The following NTNG1 variants were observed in gnomAD, a reference collection of about 807,000 sequenced individuals.
The protein encoded by NTNG1 is netrin G1, also known as netrin-G1.
In NTNG1, 16 loss-of-function variants were observed where a neutral mutation model predicts 54.0. The observed-to-expected ratio is 0.30, with a 90% CI of 0.20 to 0.45. The LOEUF (loss-of-function observed/expected upper bound fraction) is 0.45. Ranked by LOEUF, NTNG1 falls within the 20% of genes least tolerant of loss-of-function variation. NTNG1 has a pLI of 1.00. For synonymous variants in NTNG1, 255 were observed against 263.1 expected, an observed-to-expected ratio of 0.97 and a Z score of 0.30; for missense variants, 530 against 678.7, an observed-to-expected ratio of 0.78 and a Z score of 2.43.
chr1:107,296,422 G>A (rs1032637104), intron 2 of NTNG1, among the ~76,000 whole-genome samples: 2 of 151,780 alleles, frequency 1.3e-5, no homozygotes, highest in African/African-American at 2.4e-5. Flanking sequence ...AACCTGATTC[G>A]ACAATCTAAC....
chr1:107,458,281 A>G (rs1677073081), intron 7 of NTNG1, among the ~76,000 whole-genome samples: 1 of 152,150 alleles, frequency 6.6e-6, no homozygotes, highest in Non-Finnish European at 1.5e-5. Context: ...AGAACTCTAT[A>G]TCATTTTAAA....
intron 3 of NTNG1, among the ~76,000 whole-genome samples, chr1:107,346,605 A>G (rs940743434): frequency 2.0e-5 from 3 of 152,132 alleles, no homozygotes; most frequent in African/African-American, 7.2e-5. Context: ...AAAACAAGTG[A>G]AAAATTTATA....
chr1:107,369,393 A>G (rs763470627), intron 3 of NTNG1, among the ~76,000 whole-genome samples: 3 of 152,142 alleles, frequency 2.0e-5, no homozygotes, highest in Non-Finnish European at 2.9e-5. Context: ...GTTCCTCCAC[A>G]TCCTTCACCA....
intron 5 of NTNG1, among the ~76,000 whole-genome samples, chr1:107,415,029 G>A (rs1674104322): frequency 6.6e-6 from 1 of 152,072 alleles, no homozygotes. Context: ...ATTTTTTAAA[G>A]GAGGCAGTTG....
intron 4 of NTNG1, among the ~76,000 whole-genome samples, chr1:107,399,700 C>G (rs977964821): frequency 1.6e-4 from 25 of 152,110 alleles, no homozygotes; most frequent in Non-Finnish European, 2.9e-4. Flanking sequence ...GGAAAAAGAT[C>G]TGTTTAAGGT....
chr1:107,383,022 A>C (rs1326274895), intron 3 of NTNG1, among the ~76,000 whole-genome samples: 1 of 152,246 alleles, frequency 6.6e-6, no homozygotes, highest in Non-Finnish European at 1.5e-5. Context: ...AGTAAAAACT[A>C]AAAGTATGGA....
chr1:107,319,803 G>A (rs75026110), intron 2 of NTNG1, among the ~76,000 whole-genome samples: 5,238 of 151,478 alleles, frequency 0.035, 301 homozygotes, highest in African/African-American at 0.12. Flanking sequence ...GGTAAAGCTT[G>A]GAAAGGCAAA....
At chr1:107,381,408 G>C (rs1212246738) in intron 3 of NTNG1, among the ~76,000 whole-genome samples, 3 of 136,760 alleles carry the variant, frequency 2.2e-5, no homozygotes, top group South Asian at 4.7e-4. Flanking sequence ...TGTTTCGTAA[G>C]CATTGCATAA....
chr1:107,479,449 T>C (rs1338718780), intron 7 of NTNG1, among the ~76,000 whole-genome samples: 1 of 151,954 alleles, frequency 6.6e-6, no homozygotes, highest in African/African-American at 2.4e-5. Context: ...GTTGAACTCA[T>C]GTGGCATCCC....
intron 2 of NTNG1, among the ~76,000 whole-genome samples, chr1:107,305,089 G>A (rs955723678): frequency 2.6e-5 from 4 of 152,162 alleles, no homozygotes; most frequent in South Asian, 4.1e-4. Flanking sequence ...TGGCTGCATA[G>A]TATTCCATGG....
rs144554074 is a variant in NTNG1, at chr1:107,239,809, G to A, written c.247-84473G>A. Among the ~76,000 whole-genome samples, 264 of 152,268 alleles carry A rather than the reference G, an allele frequency of 1.7e-3. 2 individuals are homozygous for A. The highest frequency in any genetic ancestry group is 6.2e-3 in the African/African-American group (257 of 41,560). On this transcript the variant is annotated intron_variant, in intron 2 of 7. Transcript: ENST00000370068. ...GGTTAAATAAAAAAAAAATGTCCTTGATAGTGGAGGTGGATCTCAATATGA... is the reference window on the plus strand; with the variant it reads ...GGTTAAATAAAAAAAAAATGTCCTTAATAGTGGAGGTGGATCTCAATATGA...
chr1:107,419,595 A>T (rs1206108182), intron 5 of NTNG1, among the ~76,000 whole-genome samples: 1 of 148,010 alleles, frequency 6.8e-6, no homozygotes, highest in Non-Finnish European at 1.5e-5. Flanking sequence ...TTAATATAGT[A>T]TTGTATTATT....
At chr1:107,426,789 A>G (rs1674934923) in intron 5 of NTNG1, among the ~76,000 whole-genome samples, 2 of 152,076 alleles carry the variant, frequency 1.3e-5, no homozygotes, top group African/African-American at 4.8e-5. Flanking sequence ...GATTTTAACA[A>G]TATTAATTCT....
chr1:107,316,230 G>A (rs899347001), intron 2 of NTNG1, among the ~76,000 whole-genome samples: 4 of 152,106 alleles, frequency 2.6e-5, no homozygotes, highest in African/African-American at 9.7e-5. Context: ...CAAAGCAATC[G>A]GTGTTCCAGG....
In NTNG1 at chr1:107,482,473, G is replaced by C. The variant is rs1452741354; in HGVS notation, c.*1633G>C. The C allele has an allele frequency of 6.6e-6, 1 of 152,236 alleles. No homozygotes were observed. Among genetic ancestry groups the C allele is most frequent in the African/African-American group, 2.4e-5 (1 of 41,438 alleles). The allele number at this position is 152,236 out of a possible 1,614,324, so 9.4% of individuals were successfully genotyped here. On this transcript the variant is annotated 3_prime_UTR_variant, in exon 8 of 8. Transcript: ENST00000370068. Reference sequence around the variant, plus strand: ...TTACTGTGCAAGACAGCAAGGGGAGGCAGGTGGGGAAGAACCTTTGCAAAG... The same window carrying C: ...TTACTGTGCAAGACAGCAAGGGGAGCCAGGTGGGGAAGAACCTTTGCAAAG...
In NTNG1 at chr1:107,148,794, T is replaced by A. The variant is rs757998582; in HGVS notation, c.201T>A (p.Pro67=). Residue 67 remains proline (P), a synonymous_variant, in exon 2 of 8, where the codon CCT becomes CCA. Coordinates refer to ENST00000370068, the MANE Select transcript of NTNG1 (RefSeq NM_001113226.3). ...MTKYLKVKLD[P]PDITCGDPPE... ...AATATCTGAAAGTGAAACTCGATCC[T>A]CCGGATATTACCTGTGGAGACCCTC... 80 of 1,613,700 alleles carry A rather than the reference T, an allele frequency of 5.0e-5. 1 individual carries two copies. In the Middle Eastern group the frequency reaches 6.6e-4, roughly 13 times the overall value.
intron 2 of NTNG1, among the ~76,000 whole-genome samples, chr1:107,184,889 A>G (rs1204009635): frequency 1.3e-5 from 2 of 152,182 alleles, no homozygotes; most frequent in African/African-American, 2.4e-5. Context: ...TAAAATAAGG[A>G]TGGCTTGTCT....
intron 3 of NTNG1, among the ~76,000 whole-genome samples, chr1:107,361,391 A>ATATATATTTTTT (rs370815306): frequency 4.5e-5 from 4 of 87,996 alleles, no homozygotes; most frequent in Admixed American, 1.9e-4. Context: ...ATATATATAT[A>ATATATATTTTTT]TTTTTTTTTT....
intron 7 of NTNG1, 22 bp from the exon 8 acceptor site, chr1:107,480,589 T>TA: frequency 4.9e-6 from 1 of 202,794 alleles, no homozygotes; most frequent in South Asian, 4.5e-5. Flanking sequence ...CACCCACCCC[T>TA]ACCTTCCCCC....
Sources: allele counts gnomAD v4.1 joint callset (sites outside exome capture counted in the v4.1 genomes callset), GRCh38; gene constraint gnomAD v4.1.1; transcripts MANE v1.5; gene names NCBI Gene and HGNC (gene_info 2026-07-23, HGNC 2026-07-21).